GABRB1: variants seen among roughly 807,000 people sequenced by gnomAD.
GABRB1 encodes the protein gamma-aminobutyric acid receptor subunit beta-1.
Under a neutral mutation model 51.6 loss-of-function variants are expected in GABRB1, and 17 were observed. The observed-to-expected ratio is 0.33, with a 90% CI of 0.23 to 0.49. The LOEUF is 0.49. Ranked by LOEUF, GABRB1 falls within the 20% of genes least tolerant of loss-of-function variation. The pLI, the probability that GABRB1 is intolerant of heterozygous loss-of-function variation, is 0.99. For synonymous variants in GABRB1, 247 were observed against 218.9 expected (o/e 1.13, Z -1.14); for missense variants, 410 against 600.6 (o/e 0.68, Z 3.32).
At chr4:47,003,902 C>T (rs1724301718) in intron 1 of GABRB1, among the ~76,000 whole-genome samples, 1 of 152,190 alleles carries the variant, frequency 6.6e-6, no homozygotes, top group South Asian at 2.1e-4. Context: ...AATGTCAGCC[C>T]ACACATATTT....
chr4:47,330,714 G>A (rs1208513174), intron 5 of GABRB1, among the ~76,000 whole-genome samples: 4 of 151,928 alleles, frequency 2.6e-5, no homozygotes, highest in Non-Finnish European at 4.4e-5. Flanking sequence ...TAGACTGCTG[G>A]GAGTTTATTA....
intron 4 of GABRB1, among the ~76,000 whole-genome samples, chr4:47,193,809 T>G (rs1408643577): frequency 6.6e-6 from 1 of 152,206 alleles, no homozygotes; most frequent in Non-Finnish European, 1.5e-5. Context: ...TAACCCTCCA[T>G]TCCATGATTC....
intron 4 of GABRB1, among the ~76,000 whole-genome samples, chr4:47,230,906 G>A (rs911214979): frequency 1.3e-5 from 2 of 152,168 alleles, no homozygotes; most frequent in African/African-American, 4.8e-5. Context: ...GAGAAAGGTA[G>A]TCAAATGACT....
chr4:47,184,579 G>A (rs563815615), intron 4 of GABRB1, among the ~76,000 whole-genome samples: 7 of 151,926 alleles, frequency 4.6e-5, no homozygotes, highest in Non-Finnish European at 8.8e-5. Context: ...AGTCCTTTTT[G>A]CAAGTTAATT....
At chr4:47,254,376 T>G (rs1198485723) in intron 4 of GABRB1, among the ~76,000 whole-genome samples, 46 of 127,188 alleles carry the variant, frequency 3.6e-4, no homozygotes, top group South Asian at 2.6e-3. Flanking sequence ...TTTTTTTTTT[T>G]TTTTTTTTTT....
chr4:47,406,566 C>T, intron 7 of GABRB1, 116 bp from the exon 8 acceptor site: 3 of 1,276,044 alleles, frequency 2.4e-6, no homozygotes, highest in South Asian at 2.7e-5. Context: ...TATCATGCTA[C>T]TGTGATCACT....
At chr4:47,378,527 T>A (rs1257243323) in intron 5 of GABRB1, among the ~76,000 whole-genome samples, 1 of 152,080 alleles carries the variant, frequency 6.6e-6, no homozygotes, top group African/African-American at 2.4e-5. Flanking sequence ...GCTGAAGGGC[T>A]CCTCAAGTGC....
At chr4:47,281,263 A>G (rs1205206048) in intron 4 of GABRB1, among the ~76,000 whole-genome samples, 1 of 152,248 alleles carries the variant, frequency 6.6e-6, no homozygotes, top group Non-Finnish European at 1.5e-5. Flanking sequence ...TCAAAAGAAG[A>G]GATTCAACTG....
chr4:47,253,900 A>G (rs1722082006), intron 4 of GABRB1, among the ~76,000 whole-genome samples: 1 of 152,204 alleles, frequency 6.6e-6, no homozygotes, highest in South Asian at 2.1e-4. Flanking sequence ...GTAATTGTAT[A>G]CTTTATTGAA....
intron 8 of GABRB1, among the ~76,000 whole-genome samples, chr4:47,419,680 T>A (rs780602566): frequency 6.6e-6 from 1 of 152,230 alleles, no homozygotes; most frequent in African/African-American, 2.4e-5. Context: ...TTCATCAGTG[T>A]CTGGAACAGT....
intron 5 of GABRB1, among the ~76,000 whole-genome samples, chr4:47,342,013 G>A (rs1389292274): frequency 6.6e-6 from 1 of 152,166 alleles, no homozygotes; most frequent in African/African-American, 2.4e-5. Context: ...ATCCTGTGAA[G>A]CTCAATAGCA....
rs564935706 is a variant in GABRB1 at position 47,345,072 on chromosome 4, C to A, written c.544+24863C>A. On this transcript the variant is annotated intron_variant, in intron 5 of 8. Transcript: ENST00000295454. ...CTGTAAAATGTTTTTCAGTGCCTGGCGAAGCATTTATCTACACTATTAAAA... is the reference window on the plus strand; with the variant it reads ...CTGTAAAATGTTTTTCAGTGCCTGGAGAAGCATTTATCTACACTATTAAAA... 3.9e-5 allele frequency among the ~76,000 whole-genome samples: 6 copies of A among 152,152 alleles called. No individual in the cohort carries two copies. The South Asian group carries it at 8.3e-4, about 21-fold the overall frequency.
At chr4:47,209,051 T>C (rs370301820) in intron 4 of GABRB1, among the ~76,000 whole-genome samples, 4 of 152,270 alleles carry the variant, frequency 2.6e-5, no homozygotes, top group African/African-American at 9.6e-5. Flanking sequence ...TATAACATGA[T>C]GAACTGTAGC....
intron 3 of GABRB1, among the ~76,000 whole-genome samples, chr4:47,084,249 G>T (rs1194121710): frequency 6.6e-6 from 1 of 152,148 alleles, no homozygotes; most frequent in Admixed American, 6.5e-5. Context: ...GAGAGCTTCT[G>T]CCAATATGTG....
At chr4:47,293,917 A>G (rs1007641379) in intron 4 of GABRB1, among the ~76,000 whole-genome samples, 2 of 152,230 alleles carry the variant, frequency 1.3e-5, no homozygotes, top group Non-Finnish European at 1.5e-5. Context: ...AGAACTTATG[A>G]AAACATATAA....
intron 4 of GABRB1, among the ~76,000 whole-genome samples, chr4:47,235,803 C>T (rs1057451043): frequency 4.6e-5 from 7 of 151,906 alleles, no homozygotes; most frequent in East Asian, 3.9e-4. Flanking sequence ...AATTTTTAAA[C>T]GATTAAGATG....
rs190462158 is a variant in GABRB1, at chr4:47,378,197, C to A, written c.545-25121C>A. On this transcript the variant is annotated intron_variant, in intron 5 of 8. Transcript: ENST00000295454. ...GCTGCAGGTCCCGAACCCTGCCCCGCGGGAAGGCAGCTAAGGCCTGGCGAG... is the reference window on the plus strand; with the variant it reads ...GCTGCAGGTCCCGAACCCTGCCCCGAGGGAAGGCAGCTAAGGCCTGGCGAG... Among the ~76,000 whole-genome samples the A allele has an allele frequency of 3.3e-3, 501 of 152,320 alleles. 7 individuals are homozygous for A. Among genetic ancestry groups the A allele is most frequent in the African/African-American group, 0.011 (458 of 41,580 alleles).
At position 47,031,627 on chromosome 4, in the gene GABRB1, A is replaced by C; in HGVS notation, c.-25A>C. On this transcript the variant is annotated 5_prime_UTR_variant, in exon 1 of 9. Transcript: ENST00000295454. ...CATTCCTTGAATCTTCGCAGAAAAG[A>C]CAATTCTTTTAATCAGAGTTAGTAA... 1.9e-6 allele frequency: 3 copies of C among 1,585,550 alleles called. No individual in the cohort carries two copies. The highest frequency in any genetic ancestry group is 2.7e-5 in the African/African-American group (2 of 74,444).
intron 3 of GABRB1, among the ~76,000 whole-genome samples, chr4:47,055,483 G>A (rs146236542): frequency 2.6e-5 from 4 of 152,110 alleles, no homozygotes; most frequent in South Asian, 2.1e-4. Context: ...CCATTTACAC[G>A]AGCATGCACT....
Sources: allele counts gnomAD v4.1 joint callset (sites outside exome capture counted in the v4.1 genomes callset), GRCh38; gene constraint gnomAD v4.1.1; transcripts MANE v1.5; gene names NCBI Gene and HGNC (gene_info 2026-07-23, HGNC 2026-07-21).